GPR179: variants seen among roughly 807,000 people sequenced by gnomAD.
The protein encoded by GPR179 is probable G protein-coupled receptor 179.
A neutral mutation model predicts 70.8 loss-of-function variants in GPR179; 52 were observed. That is an observed-to-expected ratio of 0.73 (90% CI 0.59 to 0.93). GPR179 has a LOEUF of 0.93. GPR179 is among the 40% of genes least tolerant of loss of function. The probability of loss-of-function intolerance (pLI) is 0.00; values close to 1 mark genes in which losing one functional copy is unlikely to be tolerated. For missense variants in GPR179, 2,734 were observed against 2,966.8 expected (o/e 0.92, Z 1.82); for synonymous variants, 1,123 against 1,169.0 (o/e 0.96, Z 0.80).
At position 38,330,839 on chromosome 17, in the gene GPR179, G is replaced by A. The variant is rs367779333; in HGVS notation, c.2730C>T (p.Ser910=). The change falls in exon 11 of 11, where the codon AGC becomes AGT. Residue 910 remains serine, a synonymous_variant. Transcript: ENST00000616987. ...SAPPSPAKSS[S]VDSSHTSGRL... is the part of the protein sequence containing the mutation. ...TCCCAGAGGTGTGAGAGCTGTCCAC[G>A]CTGCTGCTCTTGGCAGGGGAAGGTG... 1.3e-5 allele frequency: 21 copies of A among 1,604,098 alleles called. No homozygotes were observed. The highest frequency in any genetic ancestry group is 1.2e-4 in the African/African-American group (9 of 74,918).
In GPR179 at chr17:38,335,224, A is replaced by T; in HGVS notation, c.1454T>A (p.Leu485Gln). 6.4e-7 allele frequency: 1 copy of T among 1,553,782 alleles called. No individual in the cohort carries two copies. Among genetic ancestry groups the T allele is most frequent in the Non-Finnish European group, 8.7e-7 (1 of 1,148,672 alleles). Residue 485 changes from leucine to glutamine, a missense_variant, in exon 7 of 11, where the codon CTG becomes CAG. Coordinates refer to ENST00000616987, the MANE Select transcript of GPR179 (RefSeq NM_001004334.4). Reference protein sequence around the residue: ...LSRTAQRSALLSSGRLLRHLG... With the variant: ...LSRTAQRSALQSSGRLLRHLG... ...GTGCCGCAGCAGCCGCCCGCTGCTC[A>T]GAAGGGCACTCCGCTGGGCCGTTCG... is the stretch of plus-strand genomic sequence containing the variant.
At position 38,327,487 on chromosome 17, in the gene GPR179, G is replaced by A. The variant is rs1244214521; in HGVS notation, c.6082C>T (p.Pro2028Ser). 1 of 1,614,150 alleles carries A rather than the reference G, an allele frequency of 6.2e-7. No individual in the cohort carries two copies. The highest frequency in any genetic ancestry group is 1.7e-5 in the Admixed American group (1 of 60,022). Residue 2028 changes from proline (P) to serine (S), a missense_variant, in exon 11 of 11, where the codon CCT (proline) becomes TCT (serine). Transcript: ENST00000616987. ...TCPWEVTERI[P>S]VKGVSRQDGK... is the part of the protein sequence containing the mutation. ...TCCTGCCTTGACACCCCTTTGACAG[G>A]GATTCTTTCAGTCACTTCCCAGGGA...
Position 38,329,430 on chromosome 17 carries a change from G to T in GPR179, c.4139C>A (p.Pro1380Gln). 6.2e-7 allele frequency: 1 copy of T among 1,613,858 alleles called. No individual in the cohort carries two copies. Among genetic ancestry groups the T allele is most frequent in the Non-Finnish European group, 8.5e-7 (1 of 1,179,960 alleles). The stretch of plus-strand genomic sequence containing the variant: ...TCCTTCACTTGCCTCCCAGGGACAC[G>T]GCTCTGCCTTGGTGATGTCAGGGGT... Reference protein sequence around the residue: ...AHTPDITKAEPCPWEASEGGE... With the variant: ...AHTPDITKAEQCPWEASEGGE... The change falls in exon 11 of 11, where the codon CCG becomes CAG. Residue 1380 changes from proline (P) to glutamine (Q), a missense_variant. Physicochemically the swap from Pro to Gln is moderately conservative, Grantham distance 76. Coordinates refer to ENST00000616987, the MANE Select transcript of GPR179 (RefSeq NM_001004334.4).
chr17:38,331,233 C>T lies in GPR179; in HGVS notation c.2336G>A (p.Arg779Lys), dbSNP rs747406038. The T allele has an allele frequency of 3.1e-6, 5 of 1,588,524 alleles. No homozygotes were observed. The highest frequency in any genetic ancestry group is 3.6e-5 in the Admixed American group (2 of 55,086). ...GTCAAGAAGAGGCGGGTCCTGCTCCCTGCGCTGGTCATAGGTGCTGCGGGA... is the reference window on the plus strand; with the variant it reads ...GTCAAGAAGAGGCGGGTCCTGCTCCTTGCGCTGGTCATAGGTGCTGCGGGA... ...HKSRSTYDQR[R>K]EQDPPLLDSL... Residue 779 changes from arginine to lysine, a missense_variant, in exon 11 of 11, where the codon AGG (arginine) becomes AAG (lysine). Arg to Lys is a conservative substitution (Grantham distance 26). Coordinates refer to ENST00000616987, the MANE Select transcript of GPR179 (RefSeq NM_001004334.4).
chr17:38,335,239 T>G lies in GPR179; in HGVS notation c.1439A>C (p.Gln480Pro), dbSNP rs1398297619. The G allele has an allele frequency of 6.4e-7, 1 of 1,551,812 alleles. No individual in the cohort carries two copies. Among genetic ancestry groups the G allele is most frequent in the Admixed American group, 2.0e-5 (1 of 51,034 alleles). The change falls in exon 7 of 11, where the codon CAG becomes CCG. Residue 480 changes from glutamine to proline, a missense_variant. Coordinates refer to ENST00000616987, the MANE Select transcript of GPR179 (RefSeq NM_001004334.4). ...VLQLFLSRTA[Q>P]RSALLSSGRL... Reference sequence around the variant, plus strand: ...CCCGCTGCTCAGAAGGGCACTCCGCTGGGCCGTTCGAGACAGAAACAGCTG... The same window carrying G: ...CCCGCTGCTCAGAAGGGCACTCCGCGGGGCCGTTCGAGACAGAAACAGCTG...
Position 38,334,588 on chromosome 17 carries a change from C to A in GPR179, c.1784+116G>T, listed in dbSNP as rs1032193620. 8 of 1,138,934 alleles carry A rather than the reference C, an allele frequency of 7.0e-6. No homozygotes were observed. The highest frequency in any genetic ancestry group is 8.9e-6 in the Non-Finnish European group (7 of 790,148). 70.6% of individuals were successfully genotyped at this position (1,138,934 alleles called of 1,614,324 possible). On this transcript the variant is annotated intron_variant, in intron 8 of 10. Transcript: ENST00000616987. This position sits in a 1 kb window ranked among gnomAD's most constrained non-coding sequence, Gnocchi z 4.7. ...AGCCAGAAGTGGGGGCCTTCGTCAA[C>A]GTGCTGAGGCGTAGCAGTGTTGCCA...
intron 5 of GPR179, 102 bp downstream of exon 5, chr17:38,335,974 T>C: frequency 2.3e-6 from 2 of 860,434 alleles, no homozygotes; most frequent in South Asian, 1.3e-5. Flanking sequence ...GGTCTCTGAA[T>C]CCCTTCCAGA....
rs1254183338 is a variant in GPR179 at position 38,330,015 on chromosome 17, T to C, written c.3554A>G (p.Gln1185Arg). 6.2e-7 allele frequency: 1 copy of C among 1,614,114 alleles called. No homozygotes were observed. The highest frequency in any genetic ancestry group is 8.5e-7 in the Non-Finnish European group (1 of 1,180,050). ...EQEDRGRRMT[Q>R]GLGERKAERA... ...CTCAGCTTTCCGTTCCCCTAGACCC[T>C]GGGTCATCCTCCTGCCTCTGTCTTC... Residue 1185 changes from glutamine to arginine, a missense_variant, in exon 11 of 11, where the codon CAG (glutamine) becomes CGG (arginine). Transcript: ENST00000616987.
intron 1 of GPR179, among the ~76,000 whole-genome samples, chr17:38,340,875 G>A (rs1201579813): frequency 2.6e-5 from 4 of 152,196 alleles, no homozygotes; most frequent in Non-Finnish European, 5.9e-5. Context: ...CCAAGATGGC[G>A]CCACTACACT....
In GPR179 at chr17:38,330,841, T is replaced by C. The variant is rs1191814853; in HGVS notation, c.2728A>G (p.Ser910Gly). ...SAPPSPAKSSSVDSSHTSGRL... is the reference protein window; with the variant it reads ...SAPPSPAKSSGVDSSHTSGRL... The stretch of plus-strand genomic sequence containing the variant: ...CCAGAGGTGTGAGAGCTGTCCACGC[T>C]GCTGCTCTTGGCAGGGGAAGGTGGA... Residue 910 changes from serine (S) to glycine (G), a missense_variant, in exon 11 of 11, where the codon AGC (serine) becomes GGC (glycine). By Grantham distance (56) the Ser-to-Gly change is moderately conservative. Transcript: ENST00000616987. The C allele has an allele frequency of 6.2e-7, 1 of 1,603,904 alleles. No homozygotes were observed. The highest frequency in any genetic ancestry group is 8.5e-7 in the Non-Finnish European group (1 of 1,175,496).
At position 38,325,733 on chromosome 17, in the gene GPR179, T is replaced by A. The variant is rs1567721171; in HGVS notation, c.*732A>T. The A allele has an allele frequency of 6.6e-6, 1 of 152,514 alleles. No individual in the cohort carries two copies. The highest frequency in any genetic ancestry group is 1.5e-5 in the Non-Finnish European group (1 of 68,082). 9.4% of individuals were successfully genotyped at this position (152,514 alleles called of 1,614,324 possible). Reference sequence around the variant, plus strand: ...GGACCTGGGGCAATTGCTTTTCTTCTGTGTTCTCTCTCTCTGATGTTGCTT... The same window carrying A: ...GGACCTGGGGCAATTGCTTTTCTTCAGTGTTCTCTCTCTCTGATGTTGCTT... On this transcript the variant is annotated 3_prime_UTR_variant, in exon 11 of 11. Coordinates refer to ENST00000616987, the MANE Select transcript of GPR179 (RefSeq NM_001004334.4).
Position 38,327,985 on chromosome 17 carries a change from C to T in GPR179, c.5584G>A (p.Gly1862Arg). Residue 1862 changes from glycine (G) to arginine (R), a missense_variant, in exon 11 of 11, where the codon GGG becomes AGG. By Grantham distance (125) the Gly-to-Arg change is moderately radical. Transcript: ENST00000616987. ...TGTTGTTGACACAGTTTTGCCATCC[C>T]TTTTGATACGTCTTCTCCCAGGGAA... The part of the protein sequence containing the change: ...LTSLGEDVSK[G>R]MAKLCQQQET... 1 of 1,614,164 alleles carries T rather than the reference C, an allele frequency of 6.2e-7. No individual in the cohort carries two copies. The highest frequency in any genetic ancestry group is 1.1e-5 in the South Asian group (1 of 91,082).
chr17:38,328,649 C>T lies in GPR179; in HGVS notation c.4920G>A (p.Gly1640=). Residue 1640 remains glycine (G), a synonymous_variant, in exon 11 of 11, where the codon GGG becomes GGA. Transcript: ENST00000616987. The part of the protein sequence containing the change: ...EDVTAWEKPE[G]QIQKQEAVGP... ...CGACCGCTTCTTGCTTTTGGATCTG[C>T]CCCTCAGGCTTTTCCCAAGCTGTGA... is the stretch of plus-strand genomic sequence containing the variant. The T allele has an allele frequency of 6.2e-7, 1 of 1,614,168 alleles. No individual in the cohort carries two copies. Among genetic ancestry groups the T allele is most frequent in the Non-Finnish European group, 8.5e-7 (1 of 1,180,016 alleles).
At position 38,329,193 on chromosome 17, in the gene GPR179, A is replaced by G; in HGVS notation, c.4376T>C (p.Ile1459Thr). The stretch of plus-strand genomic sequence containing the variant: ...TGCCTCCCACAGACACACTTCAGCA[A>G]TGCCACTGCCCAAACTCCCTGAACA... The part of the protein sequence containing the change: ...SECSGSLGSG[I>T]AEVCLWEAGD... Residue 1459 changes from isoleucine (I) to threonine (T), a missense_variant, in exon 11 of 11, where the codon ATT becomes ACT. By Grantham distance (89) the Ile-to-Thr change is moderately conservative. Transcript: ENST00000616987. 6.2e-7 allele frequency: 1 copy of G among 1,613,932 alleles called. No homozygotes were observed. The highest frequency in any genetic ancestry group is 8.5e-7 in the Non-Finnish European group (1 of 1,179,978).
At chr17:38,339,923 T>G (rs566350538) in intron 1 of GPR179, among the ~76,000 whole-genome samples, 24 of 152,348 alleles carry the variant, frequency 1.6e-4, no homozygotes, top group Non-Finnish European at 2.8e-4. Flanking sequence ...GTAGGTCATA[T>G]GACCCTCATT....
rs201461684 is a variant in GPR179, at chr17:38,329,522, C to T, written c.4047G>A (p.Ala1349=). 7.8e-5 allele frequency: 126 copies of T among 1,614,094 alleles called. No homozygotes were observed. In the Middle Eastern group the frequency reaches 3.1e-3, roughly 40 times the overall value. Residue 1349 remains alanine, a synonymous_variant, in exon 11 of 11, where the codon GCG becomes GCA. Transcript: ENST00000616987. ...CCTTCCTGGCCTCCACACTGTCCCC[C>T]GCCTCAGATTTGTCTCTGATTCTGC... The part of the protein sequence containing the change: ...DPGRIRDKSE[A]GDSVEARKVE...
rs2037323277 is a variant in GPR179 at position 38,329,122 on chromosome 17, G to C, written c.4447C>G (p.Leu1483Val). ...IQKAEICPWELDDNVMGQEML... is the reference protein window; with the variant it reads ...IQKAEICPWEVDDNVMGQEML... ...TCCTGCCCCATCACGTTATCATCCA[G>C]CTCCCAGGGACAGATCTCTGCTTTC... The change falls in exon 11 of 11, where the codon CTG becomes GTG. Residue 1483 changes from leucine (L) to valine (V), a missense_variant. Leu to Val is a conservative substitution (Grantham distance 32). Transcript: ENST00000616987. The C allele has an allele frequency of 1.2e-6, 2 of 1,607,468 alleles. No individual in the cohort carries two copies. The highest frequency in any genetic ancestry group is 2.7e-5 in the African/African-American group (2 of 73,318).
Position 38,337,649 on chromosome 17 carries a change from C to G in GPR179, c.975G>C (p.Gly325=). 1 of 1,606,662 alleles carries G rather than the reference C, an allele frequency of 6.2e-7. No individual in the cohort carries two copies. ...YLCRCRPGFY[G]ASPSGGLEES... is the part of the protein sequence containing the mutation. ...CTTACATACCCCCAGAGGGGCTTGC[C>G]CCGTAGAATCCAGGTCGGCAGCGGC... Residue 325 remains glycine, a synonymous_variant, in exon 3 of 11, where the codon GGG becomes GGC. Transcript: ENST00000616987.
chr17:38,334,674 G>T lies in GPR179; in HGVS notation c.1784+30C>A. 1 of 1,609,688 alleles carries T rather than the reference G, an allele frequency of 6.2e-7. No individual in the cohort carries two copies. Among genetic ancestry groups the T allele is most frequent in the South Asian group, 1.1e-5 (1 of 90,976 alleles). On this transcript the variant is annotated intron_variant, in intron 8 of 10. Transcript: ENST00000616987. The surrounding 1 kb of genome is among the most constrained non-coding windows in gnomAD (Gnocchi z 4.7). The stretch of plus-strand genomic sequence containing the variant: ...GGTGAGGAGTACTGTTAGAGTGGAA[G>T]GGGGTGTGGGGAGGTGAGTCCGTCC...
Sources: allele counts gnomAD v4.1 joint callset (sites outside exome capture counted in the v4.1 genomes callset), GRCh38; gene constraint gnomAD v4.1.1; non-coding constraint Gnocchi (gnomAD v3.1); transcripts MANE v1.5; gene names NCBI Gene and HGNC (gene_info 2026-07-23, HGNC 2026-07-21).